Variants in BLTP1 observed in about 807,000 individuals in gnomAD.
The protein encoded by BLTP1 is fragile site-associated protein.
chr4:122,276,685 C>T, the BLTP1 span: 1 of 912,198 alleles, frequency 1.1e-6, no homozygotes, highest in Non-Finnish European at 1.3e-6. Flanking sequence ...TAAGTAGCAG[C>T]ATTTCAGAGC....
chr4:122,325,967 C>A, the BLTP1 span: 5 of 485,038 alleles, frequency 1.0e-5, no homozygotes, highest in Admixed American at 7.5e-5. Flanking sequence ...ATCAACCACA[C>A]TGAAAATCTA....
chr4:122,169,586 G>C, the BLTP1 span: 1 of 935,168 alleles, frequency 1.1e-6, no homozygotes, highest in Non-Finnish European at 1.3e-6. Context: ...TTGTTTCTTG[G>C]ATCATAAAAT....
the BLTP1 span, chr4:122,205,978 A>G: frequency 3.0e-6 from 3 of 984,788 alleles, no homozygotes; most frequent in African/African-American, 1.7e-5. Context: ...ACAAACTGCT[A>G]TGGTAGATGG....
the BLTP1 span, chr4:122,348,482 G>T: frequency 8.9e-7 from 1 of 1,118,634 alleles, no homozygotes; most frequent in Non-Finnish European, 1.2e-6. Flanking sequence ...TTACTTTTTG[G>T]ATTATAGCAA....
the BLTP1 span, chr4:122,301,042 ATG>A: frequency 3.7e-3 from 3,591 of 970,928 alleles, 5 homozygotes; most frequent in Non-Finnish European, 4.1e-3. Context: ...GTTTTCTGAG[ATG>A]TATAAACACA....
the BLTP1 span, chr4:122,258,863 G>A: frequency 2.0e-6 from 3 of 1,530,780 alleles, no homozygotes; most frequent in South Asian, 1.2e-5. Flanking sequence ...TGCTCTTTTT[G>A]GTTAGAGTTA....
the BLTP1 span, chr4:122,343,933 TGC>T: frequency 1.1e-6 from 1 of 909,370 alleles, no homozygotes; most frequent in Non-Finnish European, 1.3e-6. Context: ...TACAACAAAC[TGC>T]GTAGAAAGTA....
chr4:122,258,175 A>G, the BLTP1 span, among the ~76,000 whole-genome samples: 14 of 152,174 alleles, frequency 9.2e-5, no homozygotes, highest in Non-Finnish European at 1.5e-4. Context: ...TATTATCATG[A>G]CCTATCATAT....
chr4:122,267,020 GT>G, the BLTP1 span: 2 of 600,714 alleles, frequency 3.3e-6, no homozygotes, highest in Non-Finnish European at 5.3e-6. Context: ...GTTTTTTAAC[GT>G]TACTTTCGTG....
chr4:122,289,053 A>G, the BLTP1 span: 2 of 1,588,170 alleles, frequency 1.3e-6, no homozygotes, highest in East Asian at 2.3e-5. Context: ...AGCTAATGTA[A>G]TCAGTGTTAA....
At chr4:122,219,934 C>G in the BLTP1 span, among the ~76,000 whole-genome samples, 13 of 152,052 alleles carry the variant, frequency 8.5e-5, no homozygotes, top group Admixed American at 4.6e-4. Context: ...TATGGTGGAC[C>G]TGTTATAAAA....
At chr4:122,166,854 C>T in the BLTP1 span, among the ~76,000 whole-genome samples, 2 of 152,202 alleles carry the variant, frequency 1.3e-5, no homozygotes, top group South Asian at 2.1e-4. Context: ...TGGGAGTTCA[C>T]TCATGATTTG....
the BLTP1 span, chr4:122,200,437 G>A: frequency 7.6e-6 from 4 of 527,012 alleles, no homozygotes; most frequent in African/African-American, 2.1e-5. Flanking sequence ...AATTAGCCAG[G>A]TGTGATGGCG....
At chr4:122,253,695 T>C in the BLTP1 span, among the ~76,000 whole-genome samples, 1 of 152,128 alleles carries the variant, frequency 6.6e-6, no homozygotes, top group East Asian at 1.9e-4. Flanking sequence ...TTACTGGCCT[T>C]AAAGAGAAGG....
At chr4:122,243,242 G>A in the BLTP1 span, among the ~76,000 whole-genome samples, 12 of 152,166 alleles carry the variant, frequency 7.9e-5, no homozygotes, top group East Asian at 1.9e-4. Context: ...TAAGTAGTCA[G>A]TAGCATTTCT....
chr4:122,353,284 T>C, the BLTP1 span: 1 of 1,423,094 alleles, frequency 7.0e-7, no homozygotes, highest in Non-Finnish European at 9.3e-7. The surrounding 1 kb of genome is among the most constrained non-coding windows in gnomAD (Gnocchi z 4.3). Flanking sequence ...TCACTACCAA[T>C]AAGTCAATAT....
At chr4:122,169,288 TGTG>T in the BLTP1 span, among the ~76,000 whole-genome samples, 2 of 152,160 alleles carry the variant, frequency 1.3e-5, no homozygotes, top group East Asian at 3.9e-4. Flanking sequence ...AGATAAGAGT[TGTG>T]GTGAATAAAC....
At chr4:122,287,407 G>C in the BLTP1 span, 1 of 170,694 alleles carries the variant, frequency 5.9e-6, no homozygotes, top group African/African-American at 2.4e-5. Context: ...CAGGTCATCT[G>C]TTATTTTCCT....
the BLTP1 span, chr4:122,324,378 C>A: frequency 6.4e-7 from 1 of 1,551,702 alleles, no homozygotes; most frequent in Non-Finnish European, 8.7e-7. Flanking sequence ...AAGTCAAATA[C>A]AGTAAATAAT....
Sources: allele counts gnomAD v4.1 joint callset (sites outside exome capture counted in the v4.1 genomes callset), GRCh38; gene constraint gnomAD v4.1.1; non-coding constraint Gnocchi (gnomAD v3.1); transcripts MANE v1.5; gene names NCBI Gene and HGNC (gene_info 2026-07-23, HGNC 2026-07-21).